CALN1: variants seen among roughly 807,000 people sequenced by gnomAD.
The protein encoded by CALN1 is calneuron 1, also known as calcium-binding protein 8.
Under a neutral mutation model 30.6 loss-of-function variants are expected in CALN1, and 17 were observed. The ratio of observed to expected loss-of-function variants is 0.56; its 90% CI spans 0.38 to 0.83. The LOEUF (loss-of-function observed/expected upper bound fraction) is 0.83, where lower values mean the gene tolerates loss of function less well. CALN1 is among the 40% of genes least tolerant of loss of function. The pLI, the probability that CALN1 is intolerant of heterozygous loss-of-function variation, is 0.00. For synonymous variants in CALN1, 156 were observed against 131.4 expected, an observed-to-expected ratio of 1.19 and a Z score of -1.28; for missense variants, 291 against 354.9, an observed-to-expected ratio of 0.82 and a Z score of 1.45.
At chr7:72,423,686 T>C (rs545026551) in intron 1 of CALN1, among the ~76,000 whole-genome samples, 1 of 152,006 alleles carries the variant, frequency 6.6e-6, no homozygotes, top group Non-Finnish European at 1.5e-5. Context: ...GCACAGTGGC[T>C]CACACCTGTA....
intron 3 of CALN1, among the ~76,000 whole-genome samples, chr7:72,244,539 G>GT (rs1426352515): frequency 6.6e-6 from 1 of 150,780 alleles, no homozygotes; most frequent in Non-Finnish European, 1.5e-5. Flanking sequence ...AATAAACCAA[G>GT]TTAAAGCACA....
chr7:72,069,778 C>T (rs1235862103), intron 4 of CALN1, among the ~76,000 whole-genome samples: 1 of 152,144 alleles, frequency 6.6e-6, no homozygotes, highest in Non-Finnish European at 1.5e-5. Flanking sequence ...TTCAGCCTAC[C>T]ATACCCCTAC....
At chr7:71,998,350 T>C (rs1799355257) in intron 5 of CALN1, among the ~76,000 whole-genome samples, 2 of 152,082 alleles carry the variant, frequency 1.3e-5, no homozygotes, top group Admixed American at 6.6e-5. Context: ...GTACATACAA[T>C]AGACTATCCT....
chr7:71,827,936 A>T (rs1018499532), intron 5 of CALN1, among the ~76,000 whole-genome samples: 6 of 152,094 alleles, frequency 3.9e-5, no homozygotes, highest in Non-Finnish European at 8.8e-5. Context: ...GCAAGAGCAA[A>T]GACCATGAGG....
At chr7:72,290,638 T>C (rs1798413940) in intron 2 of CALN1, among the ~76,000 whole-genome samples, 1 of 152,228 alleles carries the variant, frequency 6.6e-6, no homozygotes, top group Admixed American at 6.5e-5. Context: ...AAGTCTTCAC[T>C]GATACATCAT....
intron 3 of CALN1, among the ~76,000 whole-genome samples, chr7:72,240,788 G>A (rs1342968080): frequency 6.6e-6 from 1 of 152,152 alleles, no homozygotes; most frequent in Non-Finnish European, 1.5e-5. Context: ...AATGTGTAGG[G>A]TCCATCACTT....
chr7:72,156,551 G>T (rs942758920), intron 3 of CALN1, among the ~76,000 whole-genome samples: 2 of 152,176 alleles, frequency 1.3e-5, no homozygotes, highest in African/African-American at 4.8e-5. Context: ...GTGCCTGGAA[G>T]CCAGCACAGA....
At chr7:72,116,226 G>A (rs181501081) in intron 3 of CALN1, among the ~76,000 whole-genome samples, 7 of 152,270 alleles carry the variant, frequency 4.6e-5, no homozygotes, top group Admixed American at 6.5e-5. Flanking sequence ...CGCCTGAGCC[G>A]AGCCCAGTCC....
chr7:72,454,339 G>A, the CALN1 span, among the ~76,000 whole-genome samples: 2 of 152,160 alleles, frequency 1.3e-5, no homozygotes, highest in Non-Finnish European at 2.9e-5. Context: ...GATGAGACCT[G>A]GAGAGCAGGC....
intron 2 of CALN1, among the ~76,000 whole-genome samples, chr7:72,401,747 G>C (rs904502499): frequency 6.6e-6 from 1 of 152,168 alleles, no homozygotes; most frequent in African/African-American, 2.4e-5. Flanking sequence ...ACAGTGTGTT[G>C]AGCAAAAAGA....
At chr7:72,470,022 T>C in the CALN1 span, among the ~76,000 whole-genome samples, 5 of 152,108 alleles carry the variant, frequency 3.3e-5, no homozygotes, top group South Asian at 1.0e-3. Context: ...TCCCATAAAA[T>C]GAGGGGGCAT....
intron 5 of CALN1, among the ~76,000 whole-genome samples, chr7:71,920,330 CTTTTTT>C (rs71092931): frequency 2.0e-5 from 2 of 98,744 alleles, no homozygotes; most frequent in Non-Finnish European, 4.0e-5. Flanking sequence ...CAAATTAGTT[CTTTTTT>C]TTTTTTTTTT....
At chr7:72,054,417 ACG>A (rs1563015228) in intron 4 of CALN1, among the ~76,000 whole-genome samples, 3 of 49,262 alleles carry the variant, frequency 6.1e-5, no homozygotes, top group African/African-American at 2.1e-4. Flanking sequence ...ATATATATAT[ACG>A]TGTATATATA....
chr7:71,784,541 T>TG lies in CALN1; in HGVS notation c.*3233dup. 3.1e-6 allele frequency: 1 copy of TG among 325,898 alleles called. No individual in the cohort carries two copies. The allele number at this position is 325,898 out of a possible 1,614,324, so 20.2% of individuals were successfully genotyped here. A position where few individuals can be genotyped will look rare whatever the true frequency, so the allele number is the denominator to read the frequency against. On this transcript the variant is annotated 3_prime_UTR_variant, in exon 7 of 7. Transcript: ENST00000395275. Reference sequence around the variant, plus strand: ...GGGGCTTTGTGGGTATCTGGAAAGGTGGGGCGCAGCTTCTTTGGGGATCAA... The same window carrying TG: ...GGGGCTTTGTGGGTATCTGGAAAGGTGGGGGCGCAGCTTCTTTGGGGATCAA...
the CALN1 span, among the ~76,000 whole-genome samples, chr7:72,465,230 G>A: frequency 1.1e-4 from 16 of 152,282 alleles, no homozygotes; most frequent in South Asian, 2.1e-4. Context: ...CACCTCATCC[G>A]AGAAGTCTTC....
the CALN1 span, among the ~76,000 whole-genome samples, chr7:72,462,825 C>T: frequency 2.0e-5 from 3 of 152,254 alleles, no homozygotes; most frequent in African/African-American, 4.8e-5. Flanking sequence ...CCTGCCCGAA[C>T]TTGCCGGGCA....
intron 5 of CALN1, among the ~76,000 whole-genome samples, chr7:71,867,415 G>A (rs771388634): frequency 8.6e-5 from 13 of 151,792 alleles, no homozygotes; most frequent in Non-Finnish European, 1.8e-4. Context: ...GGGAGAGATG[G>A]GGACTGCCTT....
chr7:71,883,939 CAG>C (rs1202838980), intron 5 of CALN1, among the ~76,000 whole-genome samples: 1 of 152,064 alleles, frequency 6.6e-6, no homozygotes, highest in Non-Finnish European at 1.5e-5. Context: ...CTTTCTTTGA[CAG>C]AGTCTCTCTG....
At chr7:72,499,264 C>G in the CALN1 span, among the ~76,000 whole-genome samples, 1 of 152,154 alleles carries the variant, frequency 6.6e-6, no homozygotes, top group Non-Finnish European at 1.5e-5. Context: ...CTCCTGACTT[C>G]AAGCGATCCA....
Sources: gnomAD v4.1 joint callset for allele counts (sites outside exome capture counted in the v4.1 genomes callset) on GRCh38, gnomAD v4.1.1 for gene constraint, MANE v1.5 for transcripts, NCBI Gene and HGNC (gene_info 2026-07-23, HGNC 2026-07-21) for gene names.